PLPP4: variants seen among roughly 807,000 people sequenced by gnomAD.
PLPP4 encodes phospholipid phosphatase 4.
In PLPP4, 20 loss-of-function variants were observed where a neutral mutation model predicts 32.2. The ratio of observed to expected loss-of-function variants is 0.62; its 90% CI spans 0.44 to 0.90. PLPP4 has a LOEUF of 0.90. Among genes scored for constraint, PLPP4 ranks in the 40% least tolerant of loss-of-function variants. The pLI, the probability that PLPP4 is intolerant of heterozygous loss-of-function variation, is 0.00. For synonymous variants in PLPP4, 127 were observed against 133.0 expected (o/e 0.95, Z 0.31); for missense variants, 257 against 353.1 (o/e 0.73, Z 2.18).
At chr10:120,490,986 G>A (rs1180744008) in intron 1 of PLPP4, among the ~76,000 whole-genome samples, 3 of 152,090 alleles carry the variant, frequency 2.0e-5, no homozygotes, top group Non-Finnish European at 4.4e-5. Flanking sequence ...TCCTGTCCTC[G>A]AGCCCCTATC....
chr10:120,505,393 A>T (rs762078711), intron 2 of PLPP4, among the ~76,000 whole-genome samples: 1 of 152,230 alleles, frequency 6.6e-6, no homozygotes, highest in East Asian at 1.9e-4. Flanking sequence ...TGGAACGATA[A>T]TGTCACTTTT....
intron 5 of PLPP4, among the ~76,000 whole-genome samples, chr10:120,559,185 A>G (rs1027380159): frequency 1.3e-5 from 2 of 151,898 alleles, no homozygotes; most frequent in African/African-American, 2.4e-5. Context: ...CATTTTTTTC[A>G]ATTAGGTTGT....
chr10:120,513,028 G>A (rs899840487), intron 2 of PLPP4, among the ~76,000 whole-genome samples: 4 of 152,094 alleles, frequency 2.6e-5, no homozygotes. Flanking sequence ...TTCTGATATT[G>A]TTATCCTGAG....
chr10:120,539,452 A>T (rs1475199837), intron 5 of PLPP4, among the ~76,000 whole-genome samples: 1 of 152,152 alleles, frequency 6.6e-6, no homozygotes, highest in Non-Finnish European at 1.5e-5. Flanking sequence ...GGCCCCTTGT[A>T]ACTGCTGGAT....
chr10:120,499,667 T>G (rs1250363914), intron 1 of PLPP4, among the ~76,000 whole-genome samples: 1 of 152,206 alleles, frequency 6.6e-6, no homozygotes, highest in South Asian at 2.1e-4. Context: ...GGAAGCTTGC[T>G]GGAAATGCTA....
intron 1 of PLPP4, among the ~76,000 whole-genome samples, chr10:120,501,209 T>A (rs1003941743): frequency 2.0e-5 from 3 of 152,230 alleles, no homozygotes; most frequent in African/African-American, 7.2e-5. Flanking sequence ...AGTAATTTGT[T>A]ACGTAGCTAC....
In PLPP4 at chr10:120,590,207, A is replaced by T. The variant is rs1371557707; in HGVS notation, c.*705A>T. ...GGTTCATGGGCACAATATCCTTCCC[A>T]TCTTCCAGTCTAAGTTTATGGAGCC... On this transcript the variant is annotated 3_prime_UTR_variant, in exon 7 of 7. Transcript: ENST00000398250. Among the ~76,000 whole-genome samples the T allele has an allele frequency of 6.6e-6, 1 of 152,182 alleles. No individual in the cohort carries two copies. The highest frequency in any genetic ancestry group is 1.5e-5 in the Non-Finnish European group (1 of 68,028).
intron 6 of PLPP4, among the ~76,000 whole-genome samples, chr10:120,580,696 A>C (rs1849465720): frequency 7.1e-6 from 1 of 141,418 alleles, no homozygotes; most frequent in Non-Finnish European, 1.6e-5. Context: ...AGGGACATAC[A>C]CTGTTATAAG....
intron 1 of PLPP4, among the ~76,000 whole-genome samples, chr10:120,477,168 G>A (rs977519765): frequency 6.7e-6 from 1 of 148,326 alleles, no homozygotes; most frequent in African/African-American, 2.5e-5. Flanking sequence ...ACTTTATGCC[G>A]AAAGAGTGAA....
At chr10:120,560,561 A>G (rs533526677) in intron 5 of PLPP4, among the ~76,000 whole-genome samples, 87 of 152,226 alleles carry the variant, frequency 5.7e-4, no homozygotes, top group African/African-American at 2.1e-3. Flanking sequence ...TTGAGACCAG[A>G]CTGGCCAACA....
intron 1 of PLPP4, among the ~76,000 whole-genome samples, chr10:120,463,619 T>C (rs1057435666): frequency 1.3e-5 from 2 of 152,228 alleles, no homozygotes; most frequent in Non-Finnish European, 2.9e-5. Flanking sequence ...TGTCTAAGAA[T>C]GGCAGCACAG....
chr10:120,574,162 ACACACACTCTCTCTCTCTCTCTCTCTCT>A (rs1195780149), intron 5 of PLPP4, among the ~76,000 whole-genome samples: 32 of 104,172 alleles, frequency 3.1e-4, no homozygotes, highest in African/African-American at 1.2e-3. Flanking sequence ...ACACACACAC[ACACACACTCTCTCTCTCTCTCTCTCTCT>A]CTCTCTCTCT....
At chr10:120,531,386 G>C (rs1166623095) in intron 5 of PLPP4, among the ~76,000 whole-genome samples, 2 of 152,072 alleles carry the variant, frequency 1.3e-5, no homozygotes, top group Non-Finnish European at 2.9e-5. Context: ...TTACAGACGT[G>C]AGCCACCGTG....
chr10:120,571,687 A>AC (rs947653551), intron 5 of PLPP4, among the ~76,000 whole-genome samples: 8 of 152,218 alleles, frequency 5.3e-5, no homozygotes, highest in African/African-American at 1.9e-4. Context: ...TTGATCCCAA[A>AC]CCCCTTAGCT....
At chr10:120,569,956 C>G (rs77440717) in intron 5 of PLPP4, among the ~76,000 whole-genome samples, 6,501 of 152,194 alleles carry the variant, frequency 0.043, 184 homozygotes, top group Admixed American at 0.09. Flanking sequence ...GATTTTTGCT[C>G]TATTTAAAGA....
intron 1 of PLPP4, among the ~76,000 whole-genome samples, chr10:120,480,924 C>T (rs1844171358): frequency 6.6e-6 from 1 of 152,248 alleles, no homozygotes; most frequent in African/African-American, 2.4e-5. Context: ...TTAGGCTCTT[C>T]TTCCAAGCAC....
At chr10:120,560,498 T>C (rs1251564827) in intron 5 of PLPP4, among the ~76,000 whole-genome samples, 3 of 152,222 alleles carry the variant, frequency 2.0e-5, no homozygotes, top group African/African-American at 7.2e-5. Flanking sequence ...CTCACGCCTG[T>C]AATCCCAGCA....
chr10:120,485,378 G>C (rs1399484921), intron 1 of PLPP4, among the ~76,000 whole-genome samples: 1 of 152,210 alleles, frequency 6.6e-6, no homozygotes, highest in East Asian at 1.9e-4. Flanking sequence ...GACTGGAGGG[G>C]ACCCCTTTGT....
chr10:120,463,019 C>CTTTTTTT (rs71019771), intron 1 of PLPP4, among the ~76,000 whole-genome samples: 1 of 89,342 alleles, frequency 1.1e-5, no homozygotes, highest in African/African-American at 3.8e-5. Flanking sequence ...AAGTTTCTTT[C>CTTTTTTT]TTTTTTTTTT....
Sources: gnomAD v4.1 joint callset for allele counts (sites outside exome capture counted in the v4.1 genomes callset) on GRCh38, gnomAD v4.1.1 for gene constraint, MANE v1.5 for transcripts, NCBI Gene and HGNC (gene_info 2026-07-23, HGNC 2026-07-21) for gene names.